C12orf42: variants seen among roughly 807,000 people sequenced by gnomAD.
C12orf42 encodes the protein uncharacterized protein C12orf42.
A neutral mutation model predicts 21.6 loss-of-function variants in C12orf42; 25 were observed. The ratio of observed to expected loss-of-function variants is 1.16; its 90% CI spans 0.84 to 1.62. The LOEUF (loss-of-function observed/expected upper bound fraction) is 1.62, where lower values mean the gene tolerates loss of function less well. Ranked by LOEUF, C12orf42 falls within the 40% of genes most tolerant of loss-of-function variation. The probability of loss-of-function intolerance (pLI) is 0.00; values close to 1 mark genes in which losing one functional copy is unlikely to be tolerated. For missense variants in C12orf42, 483 were observed against 459.3 expected (o/e 1.05, Z -0.47); for synonymous variants, 174 against 175.0 (o/e 0.99, Z 0.05).
At chr12:103,146,608 GAAAA>G in the C12orf42 span, among the ~76,000 whole-genome samples, 5 of 147,550 alleles carry the variant, frequency 3.4e-5, no homozygotes, top group Admixed American at 1.3e-4. Flanking sequence ...AAGAAAGAAA[GAAAA>G]AGAAAAGTAA....
intron 4 of C12orf42, among the ~76,000 whole-genome samples, chr12:103,359,698 G>T (rs1054209499): frequency 6.6e-6 from 1 of 151,888 alleles, no homozygotes; most frequent in African/African-American, 2.4e-5. Context: ...TTTTTTCATA[G>T]CTTTCATTAT....
chr12:103,523,148 A>G, the C12orf42 span, among the ~76,000 whole-genome samples: 1 of 152,218 alleles, frequency 6.6e-6, no homozygotes, highest in Non-Finnish European at 1.5e-5. Context: ...AAAGATGCTC[A>G]TCTATAGTTA....
Position 103,367,211 on chromosome 12 carries a change from G to T in C12orf42, c.259+1676C>A, listed in dbSNP as rs12315603. Among the ~76,000 whole-genome samples, 868 of 152,094 alleles carry T rather than the reference G, an allele frequency of 5.7e-3. 5 individuals carry two copies. The highest frequency in any genetic ancestry group is 0.018 in the African/African-American group (755 of 41,548). ...ACTCAGGAATGGAAAACCAAACGTC[G>T]TATGTTCTCACTCATAAGTGGAAGC... On this transcript the variant is annotated intron_variant, in intron 4 of 5. Transcript: ENST00000548883.
chr12:103,122,269 G>T, the C12orf42 span, among the ~76,000 whole-genome samples: 1 of 152,204 alleles, frequency 6.6e-6, no homozygotes, highest in Non-Finnish European at 1.5e-5. Flanking sequence ...GTGATACGTG[G>T]TAGGGTTCAT....
chr12:103,396,964 C>A (rs1213390643), intron 3 of C12orf42, among the ~76,000 whole-genome samples: 1 of 152,314 alleles, frequency 6.6e-6, no homozygotes, highest in Non-Finnish European at 1.5e-5. Context: ...TTACTAAGCT[C>A]TTCAATCCAG....
At chr12:103,090,225 G>C in the C12orf42 span, among the ~76,000 whole-genome samples, 1 of 152,188 alleles carries the variant, frequency 6.6e-6, no homozygotes, top group Non-Finnish European at 1.5e-5. Context: ...ATCTCAATCA[G>C]GTTTTTTTGG....
At chr12:103,161,128 G>A in the C12orf42 span, among the ~76,000 whole-genome samples, 1 of 152,152 alleles carries the variant, frequency 6.6e-6, no homozygotes, top group African/African-American at 2.4e-5. Flanking sequence ...AGTGGGGCAG[G>A]CTTTCCACTC....
At chr12:103,538,280 G>A in the C12orf42 span, among the ~76,000 whole-genome samples, 6 of 152,238 alleles carry the variant, frequency 3.9e-5, no homozygotes, top group African/African-American at 1.2e-4. Flanking sequence ...ATCCAGAAAG[G>A]TTTGCTGAAG....
intron 4 of C12orf42, among the ~76,000 whole-genome samples, chr12:103,362,042 G>A (rs1419325714): frequency 1.3e-5 from 2 of 152,100 alleles, no homozygotes; most frequent in Non-Finnish European, 2.9e-5. Flanking sequence ...CCTGGCAGGA[G>A]GCCAACCAGC....
At chr12:103,394,693 G>T (rs1593791271) in intron 3 of C12orf42, among the ~76,000 whole-genome samples, 1 of 152,200 alleles carries the variant, frequency 6.6e-6, no homozygotes, top group Admixed American at 6.5e-5. Flanking sequence ...CAGCAGGAAA[G>T]CAAGCACTGG....
chr12:103,346,733 A>C (rs182210193), intron 4 of C12orf42, among the ~76,000 whole-genome samples: 1 of 152,318 alleles, frequency 6.6e-6, no homozygotes, highest in East Asian at 1.9e-4. Context: ...TTGCACTACA[A>C]TACGCCATCT....
intron 9 of C12orf42, chr12:103,263,521 T>G (rs542189503): frequency 1.3e-5 from 2 of 152,276 alleles, no homozygotes; most frequent in East Asian, 1.9e-4. Context: ...GGAGTACCCA[T>G]GAGCCCTGAA....
the C12orf42 span, among the ~76,000 whole-genome samples, chr12:103,185,753 C>CTTTTGCATCTTCTGCA: frequency 6.6e-6 from 1 of 152,146 alleles, no homozygotes; most frequent in South Asian, 2.1e-4. Flanking sequence ...GGGGTTTCTG[C>CTTTTGCATCTTCTGCA]TTTTGCATCT....
At chr12:103,375,204 C>A (rs1045091711) in intron 3 of C12orf42, among the ~76,000 whole-genome samples, 1 of 152,054 alleles carries the variant, frequency 6.6e-6, no homozygotes, top group Non-Finnish European at 1.5e-5. Context: ...TCAGGAGAAA[C>A]ATAAAAATGA....
At chr12:103,403,385 A>G (rs1469916862) in intron 2 of C12orf42, among the ~76,000 whole-genome samples, 1 of 152,078 alleles carries the variant, frequency 6.6e-6, no homozygotes, top group African/African-American at 2.4e-5. Flanking sequence ...CAAAAAAAAA[A>G]AAAAAAGAAA....
chr12:103,245,630 G>A lies in C12orf42; in HGVS notation c.*1367-7728C>T, dbSNP rs572671858. Among the ~76,000 whole-genome samples, 148 of 152,138 alleles carry A rather than the reference G, an allele frequency of 9.7e-4. 1 individual carries two copies. Among genetic ancestry groups the A allele is most frequent in the African/African-American group, 3.3e-3 (136 of 41,526 alleles). On this transcript the variant is annotated intron_variant and NMD_transcript_variant, in intron 10 of 10. Coordinates refer to the C12orf42 transcript ENST00000547347. ...TTCTCAGAACACTAGGAGCTGCCAC[G>A]AAGATTACTAATTGTAAGAGCCAAA...
chr12:103,126,338 G>A, the C12orf42 span, among the ~76,000 whole-genome samples: 2 of 152,176 alleles, frequency 1.3e-5, no homozygotes, highest in African/African-American at 4.8e-5. Context: ...TCACTTCTGG[G>A]AAGAGCTTGA....
chr12:103,147,927 G>A, the C12orf42 span, among the ~76,000 whole-genome samples: 1 of 152,228 alleles, frequency 6.6e-6, no homozygotes, highest in African/African-American at 2.4e-5. Flanking sequence ...TTTTCTTAAA[G>A]TAGAAACCAC....
the C12orf42 span, among the ~76,000 whole-genome samples, chr12:103,117,900 C>T: frequency 6.6e-6 from 1 of 152,176 alleles, no homozygotes. Flanking sequence ...TAGGTTCATT[C>T]TTCTCATCTA....
Sources: allele counts gnomAD v4.1 joint callset (sites outside exome capture counted in the v4.1 genomes callset), GRCh38; gene constraint gnomAD v4.1.1; transcripts MANE v1.5; gene names NCBI Gene and HGNC (gene_info 2026-07-23, HGNC 2026-07-21).